Variants in SGCG observed in about 807,000 individuals in gnomAD.
The protein encoded by SGCG is gamma-sarcoglycan.
A neutral mutation model predicts 29.3 loss-of-function variants in SGCG; 26 were observed. The ratio of observed to expected loss-of-function variants is 0.89; its 90% CI spans 0.65 to 1.23. The LOEUF (loss-of-function observed/expected upper bound fraction) is 1.23. Ranked by LOEUF, SGCG falls within the 50% of genes most tolerant of loss-of-function variation. The probability of loss-of-function intolerance (pLI) is 0.00; values close to 1 mark genes in which losing one functional copy is unlikely to be tolerated. For synonymous variants in SGCG, 145 were observed against 129.7 expected (o/e 1.12, Z -0.80); for missense variants, 353 against 356.0 (o/e 0.99, Z 0.07).
chr13:23,231,181 G>T (rs932625715), intron 2 of SGCG, among the ~76,000 whole-genome samples: 1 of 152,062 alleles, frequency 6.6e-6, no homozygotes, highest in Non-Finnish European at 1.5e-5. Context: ...TGCTGGAGTC[G>T]ATTTGCTAGT....
At chr13:23,213,343 G>A (rs529633345) in intron 2 of SGCG, among the ~76,000 whole-genome samples, 32 of 152,216 alleles carry the variant, frequency 2.1e-4, no homozygotes, top group African/African-American at 4.1e-4. Context: ...TTAGCTGGGC[G>A]TGGTGGCACG....
intron 5 of SGCG, among the ~76,000 whole-genome samples, chr13:23,288,681 A>G (rs1881591780): frequency 6.6e-6 from 1 of 152,192 alleles, no homozygotes; most frequent in Non-Finnish European, 1.5e-5. Flanking sequence ...CATTTCTTTT[A>G]TTAACCCAAG....
At chr13:23,314,776 C>T (rs952700958) in intron 6 of SGCG, among the ~76,000 whole-genome samples, 13 of 152,092 alleles carry the variant, frequency 8.5e-5, no homozygotes, top group African/African-American at 1.2e-4. Flanking sequence ...TGGTGTGGGG[C>T]CTGTCAAGAT....
chr13:23,196,614 T>C (rs1877521863), intron 1 of SGCG, among the ~76,000 whole-genome samples: 1 of 141,848 alleles, frequency 7.0e-6, no homozygotes. Flanking sequence ...TGAGTTTTAT[T>C]GGATTTTTTT....
At chr13:23,161,668 G>A in the SGCG span, among the ~76,000 whole-genome samples, 1 of 152,172 alleles carries the variant, frequency 6.6e-6, no homozygotes, top group African/African-American at 2.4e-5. Context: ...TTTGCTAACA[G>A]GTTCAGTGTC....
intron 1 of SGCG, among the ~76,000 whole-genome samples, chr13:23,200,168 A>C (rs974878855): frequency 2.6e-5 from 4 of 152,196 alleles, no homozygotes; most frequent in African/African-American, 9.7e-5. Flanking sequence ...CATGCCTGTA[A>C]TCCCAGCACT....
At chr13:23,236,568 C>T (rs577751223) in intron 3 of SGCG, among the ~76,000 whole-genome samples, 32 of 152,126 alleles carry the variant, frequency 2.1e-4, no homozygotes, top group Non-Finnish European at 3.8e-4. Flanking sequence ...GTCCCAGCTA[C>T]TTGGGAGGCT....
intron 1 of SGCG, among the ~76,000 whole-genome samples, chr13:23,182,705 C>T (rs2137465984): frequency 6.6e-6 from 1 of 152,064 alleles, no homozygotes; most frequent in Middle Eastern, 3.4e-3. Context: ...GGTCTCAAGA[C>T]TTTTCTCAGA....
chr13:23,172,699 T>C, the SGCG span, among the ~76,000 whole-genome samples: 1 of 152,234 alleles, frequency 6.6e-6, no homozygotes, highest in Non-Finnish European at 1.5e-5. Context: ...AATGAGCATC[T>C]AGAGACTAAG....
chr13:23,259,455 A>G (rs986825111), intron 4 of SGCG, among the ~76,000 whole-genome samples: 6 of 151,730 alleles, frequency 4.0e-5, no homozygotes, highest in Non-Finnish European at 7.4e-5. Context: ...TAGTGTTCCT[A>G]GCGGTCTATC....
intron 4 of SGCG, among the ~76,000 whole-genome samples, chr13:23,255,429 A>G (rs1880140559): frequency 6.6e-6 from 1 of 152,236 alleles, no homozygotes; most frequent in Non-Finnish European, 1.5e-5. Flanking sequence ...GTTGGACTTC[A>G]TGCTGGAATG....
intron 5 of SGCG, among the ~76,000 whole-genome samples, chr13:23,293,862 C>A (rs888308628): frequency 1.3e-5 from 2 of 151,650 alleles, no homozygotes; most frequent in Admixed American, 6.6e-5. Context: ...GTAAGGGCTG[C>A]TCAAAAGATC....
chr13:23,319,295 G>A (rs1206491032), intron 6 of SGCG, among the ~76,000 whole-genome samples: 7 of 127,656 alleles, frequency 5.5e-5, no homozygotes, highest in Non-Finnish European at 1.2e-4. Context: ...GCAAGACTCC[G>A]TCTCAAAAAA....
At chr13:23,222,890 A>G (rs1328020035) in intron 2 of SGCG, among the ~76,000 whole-genome samples, 2 of 152,114 alleles carry the variant, frequency 1.3e-5, no homozygotes, top group Non-Finnish European at 2.9e-5. Flanking sequence ...TTTTTATATT[A>G]TTATCTCTTT....
At chr13:23,310,644 A>G (rs1047693330) in intron 6 of SGCG, among the ~76,000 whole-genome samples, 5 of 151,636 alleles carry the variant, frequency 3.3e-5, no homozygotes, top group Admixed American at 2.0e-4. Context: ...CATTTCTATC[A>G]TTTTGTTTTA....
chr13:23,302,031 A>G (rs1203289759), intron 6 of SGCG, among the ~76,000 whole-genome samples: 1 of 152,160 alleles, frequency 6.6e-6, no homozygotes, highest in Non-Finnish European at 1.5e-5. Flanking sequence ...TATTTTCATT[A>G]CTTTTTAAAA....
At chr13:23,234,328 TAA>T (rs545726788) in intron 2 of SGCG, among the ~76,000 whole-genome samples, 12 of 149,750 alleles carry the variant, frequency 8.0e-5, no homozygotes, top group Non-Finnish European at 1.6e-4. Context: ...TAATTTTTTT[TAA>T]AAAAATGGAT....
At position 23,203,751 on chromosome 13, in the gene SGCG, G is replaced by A. The variant is rs752669226; in HGVS notation, c.57G>A (p.Glu19=). The A allele has an allele frequency of 7.4e-6, 12 of 1,614,098 alleles. No individual in the cohort carries two copies. Among genetic ancestry groups the A allele is most frequent in the African/African-American group, 1.3e-5 (1 of 75,052 alleles). ...ATEGICIERP[E]NQYVYKIGIY... ...AAGGCATCTGCATAGAGAGGCCAGA[G>A]AATCAGTATGTCTACAAAATTGGCA... Residue 19 remains glutamate (E), a synonymous_variant, in exon 2 of 8, where the codon GAG becomes GAA. Transcript: ENST00000218867.
chr13:23,276,004 A>C (rs995328519), intron 4 of SGCG, among the ~76,000 whole-genome samples: 1 of 152,228 alleles, frequency 6.6e-6, no homozygotes, highest in South Asian at 2.1e-4. Context: ...TCCCAAACTT[A>C]ATTAATCAGA....
Sources: allele counts gnomAD v4.1 joint callset (sites outside exome capture counted in the v4.1 genomes callset), GRCh38; gene constraint gnomAD v4.1.1; transcripts MANE v1.5; gene names NCBI Gene and HGNC (gene_info 2026-07-23, HGNC 2026-07-21).